The following DSN1 variants were observed in gnomAD, a reference collection of about 807,000 sequenced individuals.
DSN1 encodes the protein DSN1 component of MIS12 kinetochore complex.
A neutral mutation model predicts 45.7 loss-of-function variants in DSN1; 31 were observed. That is an observed-to-expected ratio of 0.68 (90% CI 0.51 to 0.92). The LOEUF is 0.92. Among genes scored for constraint, DSN1 ranks in the 40% least tolerant of loss-of-function variants. DSN1 has a pLI of 0.00. For synonymous variants in DSN1, 134 were observed against 142.3 expected (o/e 0.94, Z 0.41); for missense variants, 394 against 414.2 (o/e 0.95, Z 0.42).
intron 3 of DSN1, among the ~76,000 whole-genome samples, chr20:36,768,518 G>A (rs1422963320): frequency 6.6e-6 from 1 of 152,240 alleles, no homozygotes; most frequent in African/African-American, 2.4e-5. Context: ...TGAGATTACA[G>A]GCATGCGCCA....
Position 36,769,902 on chromosome 20 carries a change from TACACAC to T in DSN1, c.355+965_355+970del, listed in dbSNP as rs66970744. Among the ~76,000 whole-genome samples, 942 of 117,292 alleles carry T rather than the reference TACACAC, an allele frequency of 8.0e-3. 6 individuals carry two copies. The highest frequency in any genetic ancestry group is 0.026 in the African/African-American group (708 of 26,964). The allele number at this position is 117,292 out of a possible 152,430, so 76.9% of individuals were successfully genotyped here. A position where few individuals can be genotyped will look rare whatever the true frequency, so the allele number is the denominator to read the frequency against. On this transcript the variant is annotated intron_variant, in intron 3 of 10. Transcript: ENST00000373750. ...CCTAAAAACTGTTTTTCACTGTAGA[TACACAC>T]ACACACACACACACACACACACACA...
rs1166269412 is a variant in DSN1 at position 36,752,359 on chromosome 20, ACT to A, written c.*427_*428del. 1 of 154,168 alleles carries A rather than the reference ACT, an allele frequency of 6.5e-6. No homozygotes were observed. The highest frequency in any genetic ancestry group is 1.4e-5 in the Non-Finnish European group (1 of 69,586). The allele number at this position is 154,168 out of a possible 1,614,324, so 9.6% of individuals were successfully genotyped here. On this transcript the variant is annotated 3_prime_UTR_variant, in exon 11 of 11. Coordinates refer to ENST00000373750, the MANE Select transcript of DSN1 (RefSeq NM_001145315.2). ...GTGAGCCATTGCGCCCAGCCTCAAA[ACT>A]CTTCTACCTAAAATCACCTTCAGAG...
In DSN1 at chr20:36,770,938, C is replaced by G; in HGVS notation, c.290G>C (p.Arg97Pro). The G allele has an allele frequency of 6.2e-7, 1 of 1,614,090 alleles. No homozygotes were observed. The change falls in exon 3 of 11, where the codon CGG (arginine) becomes CCG (proline). Residue 97 changes from arginine to proline, a missense_variant. Transcript: ENST00000373750. ...ASYQDRRQSW[R>P]RASMKETNRR... is the part of the protein sequence containing the mutation. ...GTTCGTTTCTTTCATACTTGCTCGC[C>G]GCCAGGATTGCCTCCTGTCTTGATA...
At chr20:36,773,332 T>G in intron 1 of DSN1, 1 of 976,100 alleles carries the variant, frequency 1.0e-6, no homozygotes, top group Non-Finnish European at 1.2e-6. Flanking sequence ...CCCAAGCTTG[T>G]GACACAGCCA....
chr20:36,762,677 A>C (rs1601013069), intron 5 of DSN1, 129 bp from the exon 6 acceptor site: 2 of 656,272 alleles, frequency 3.0e-6, no homozygotes, highest in East Asian at 6.2e-5. Context: ...AAGCCCACCC[A>C]AAAGTGTGGA....
rs1210665252 is a variant in DSN1, at chr20:36,766,856, G to A, written c.430-15C>T. ...TGAATAGAGAACTAAATAAAGAAAAGCATTTTTAGTACAACCACCAAAAAC... is the reference window on the plus strand; with the variant it reads ...TGAATAGAGAACTAAATAAAGAAAAACATTTTTAGTACAACCACCAAAAAC... On this transcript the variant is annotated splice_polypyrimidine_tract_variant and intron_variant, in intron 4 of 10. Coordinates refer to ENST00000373750, the MANE Select transcript of DSN1 (RefSeq NM_001145315.2). 2.5e-6 allele frequency: 4 copies of A among 1,575,990 alleles called. No individual in the cohort carries two copies. Among genetic ancestry groups the A allele is most frequent in the Non-Finnish European group, 3.4e-6 (4 of 1,164,430 alleles).
At chr20:36,760,629 T>A (rs1986926253) in intron 6 of DSN1, among the ~76,000 whole-genome samples, 1 of 152,216 alleles carries the variant, frequency 6.6e-6, no homozygotes, top group Non-Finnish European at 1.5e-5. Flanking sequence ...GGTTCACGCC[T>A]CTAATCCTAG....
chr20:36,763,713 C>T (rs2148273216), intron 5 of DSN1, among the ~76,000 whole-genome samples: 1 of 151,570 alleles, frequency 6.6e-6, no homozygotes, highest in Admixed American at 6.6e-5. Flanking sequence ...ATGGTGAAAC[C>T]CCATCTCTAC....
At chr20:36,769,629 C>A (rs2148284047) in intron 3 of DSN1, among the ~76,000 whole-genome samples, 1 of 152,226 alleles carries the variant, frequency 6.6e-6, no homozygotes, top group South Asian at 2.1e-4. Context: ...ATCACAGTAG[C>A]TTAACATTTC....
At position 36,763,278 on chromosome 20, in the gene DSN1, G is replaced by A. The variant is rs569410164; in HGVS notation, c.503-730C>T. Among the ~76,000 whole-genome samples, 18 of 151,916 alleles carry A rather than the reference G, an allele frequency of 1.2e-4. No homozygotes were observed. In the East Asian group the frequency reaches 2.9e-3, roughly 25 times the overall value. On this transcript the variant is annotated intron_variant, in intron 5 of 10. Coordinates refer to ENST00000373750, the MANE Select transcript of DSN1 (RefSeq NM_001145315.2). ...AATATACCTGGGCGTGGTGGTACACGCCTGTAATCCCGGCTACTCGGGAGG... is the reference window on the plus strand; with the variant it reads ...AATATACCTGGGCGTGGTGGTACACACCTGTAATCCCGGCTACTCGGGAGG...
chr20:36,768,596 T>C lies in DSN1; in HGVS notation c.356-554A>G, dbSNP rs186043216. Among the ~76,000 whole-genome samples, 3 of 152,280 alleles carry C rather than the reference T, an allele frequency of 2.0e-5. No individual in the cohort carries two copies. The East Asian group carries it at 5.8e-4, about 29-fold the overall frequency. On this transcript the variant is annotated intron_variant, in intron 3 of 10. Transcript: ENST00000373750. ...TTCCCCATGTTGGCCAGGCTGGTCT[T>C]GAACTCCTGGCCTCAAGTGATCTGC...
chr20:36,757,993 G>C lies in DSN1; in HGVS notation c.725+94C>G, dbSNP rs1986767492. ...ATGAGCTTATTGGCCCGTGAGAAAG[G>C]ATTCATCTTTCAATTTGTGCTAACA... On this transcript the variant is annotated intron_variant, in intron 8 of 10. Transcript: ENST00000373750. 21 of 1,186,648 alleles carry C rather than the reference G, an allele frequency of 1.8e-5. No individual in the cohort carries two copies. In the South Asian group the frequency reaches 2.4e-4, roughly 13 times the overall value. 73.5% of individuals were successfully genotyped at this position (1,186,648 alleles called of 1,614,324 possible).
Position 36,771,122 on chromosome 20 carries a change from CA to C in DSN1, c.105del (p.Phe35LeufsTer10). 1 of 1,614,120 alleles carries C rather than the reference CA, an allele frequency of 6.2e-7. No homozygotes were observed. The highest frequency in any genetic ancestry group is 8.5e-7 in the Non-Finnish European group (1 of 1,180,024). ...ATCTCCAGGGAGGCAGATGTTTTAG[CA>C]AACACTTCCACAGGACTGAGACTTG... is the stretch of plus-strand genomic sequence containing the variant. ...LESSLSPVEV[F>X]AKTSASLEMN... On this transcript the variant is annotated frameshift_variant, in exon 3 of 11. Coordinates refer to ENST00000373750, the MANE Select transcript of DSN1 (RefSeq NM_001145315.2). LOFTEE classifies it high-confidence loss of function.
At chr20:36,753,191 A>C (rs933097046) in intron 10 of DSN1, among the ~76,000 whole-genome samples, 5 of 151,948 alleles carry the variant, frequency 3.3e-5, no homozygotes, top group African/African-American at 7.3e-5. Flanking sequence ...AAAAAAAAAA[A>C]AAACAATTAG....
chr20:36,759,593 C>T (rs1016507922), intron 6 of DSN1, among the ~76,000 whole-genome samples: 1 of 151,748 alleles, frequency 6.6e-6, no homozygotes, highest in African/African-American at 2.4e-5. Context: ...ATGCCATTCT[C>T]CTGCCTCAGC....
intron 5 of DSN1, among the ~76,000 whole-genome samples, chr20:36,766,422 C>T (rs886654851): frequency 2.0e-5 from 3 of 152,028 alleles, no homozygotes; most frequent in Non-Finnish European, 2.9e-5. Context: ...AATCCCAGCA[C>T]TTTGGGAGGC....
intron 10 of DSN1, among the ~76,000 whole-genome samples, chr20:36,753,672 G>GA (rs2148254180): frequency 6.8e-6 from 1 of 146,738 alleles, no homozygotes; most frequent in South Asian, 2.2e-4. Context: ...AAGAAAGAAA[G>GA]AAAGCCAGCC....
chr20:36,768,828 G>A (rs766721803), intron 3 of DSN1, among the ~76,000 whole-genome samples: 31 of 152,192 alleles, frequency 2.0e-4, no homozygotes, highest in Non-Finnish European at 3.5e-4. Context: ...CCAGAAACTG[G>A]AAATCGGTGG....
chr20:36,759,560 T>G (rs778244045), intron 6 of DSN1, among the ~76,000 whole-genome samples: 20 of 152,150 alleles, frequency 1.3e-4, no homozygotes, highest in Middle Eastern at 3.4e-3. Context: ...CTTGGCTCAC[T>G]GCAAGCTTCA....
Sources: gnomAD v4.1 joint callset for allele counts (sites outside exome capture counted in the v4.1 genomes callset) on GRCh38, gnomAD v4.1.1 for gene constraint, MANE v1.5 for transcripts, NCBI Gene and HGNC (gene_info 2026-07-23, HGNC 2026-07-21) for gene names.